AKAP13: variants seen among roughly 807,000 people sequenced by gnomAD.
The protein encoded by AKAP13 is A-kinase anchoring protein 13.
AKAP13 carries 80 observed loss-of-function variants against 264.5 expected under a neutral mutation model. The ratio of observed to expected loss-of-function variants is 0.30; its 90% confidence interval spans 0.25 to 0.36. The LOEUF is 0.36. Among genes scored for constraint, AKAP13 ranks in the 10% least tolerant of loss-of-function variants. The pLI is 1.00. For synonymous variants in AKAP13, 1,380 were observed against 1,250.2 expected, an observed-to-expected ratio of 1.10 and a Z score of -2.19; for missense variants, 3,712 against 3,435.2, an observed-to-expected ratio of 1.08 and a Z score of -2.01.
chr15:85,531,779 A>G (rs2077250003), intron 3 of AKAP13, among the ~76,000 whole-genome samples: 1 of 152,196 alleles, frequency 6.6e-6, no homozygotes, highest in Admixed American at 6.5e-5. Flanking sequence ...TATCGTGTGG[A>G]TTCAGTGTTC....
intron 8 of AKAP13, among the ~76,000 whole-genome samples, chr15:85,613,348 G>T (rs2080759768): frequency 6.6e-6 from 1 of 152,170 alleles, no homozygotes; most frequent in South Asian, 2.1e-4. Flanking sequence ...TCAGAATTCA[G>T]TTGGCTTTGT....
chr15:85,701,551 T>C (rs2085915125), intron 17 of AKAP13, among the ~76,000 whole-genome samples: 1 of 152,146 alleles, frequency 6.6e-6, no homozygotes, highest in Non-Finnish European at 1.5e-5. Context: ...GCGATTCTTC[T>C]GCCTCAGTCT....
chr15:85,712,964 AC>A (rs1410035287), intron 19 of AKAP13, among the ~76,000 whole-genome samples: 6 of 152,230 alleles, frequency 3.9e-5, no homozygotes, highest in Non-Finnish European at 7.3e-5. Flanking sequence ...GAGCTGTGTA[AC>A]TGGACATTAC....
intron 8 of AKAP13, among the ~76,000 whole-genome samples, chr15:85,612,693 C>T (rs915410888): frequency 6.6e-6 from 1 of 151,814 alleles, no homozygotes; most frequent in African/African-American, 2.4e-5. Flanking sequence ...AGTAGTGACA[C>T]GTGCCTATAA....
At chr15:85,421,281 A>G (rs1183607632) in intron 1 of AKAP13, among the ~76,000 whole-genome samples, 1 of 152,268 alleles carries the variant, frequency 6.6e-6, no homozygotes, top group Non-Finnish European at 1.5e-5. Context: ...AACTAAAAAT[A>G]GATGGAAGCT....
chr15:85,504,443 G>GA (rs1207875085), intron 2 of AKAP13, among the ~76,000 whole-genome samples: 7 of 143,584 alleles, frequency 4.9e-5, no homozygotes, highest in Non-Finnish European at 9.0e-5. Context: ...GAAGTGGGAG[G>GA]ATAGCTTAAG....
chr15:85,459,159 T>C (rs2074406524), intron 1 of AKAP13, among the ~76,000 whole-genome samples: 1 of 152,182 alleles, frequency 6.6e-6, no homozygotes, highest in African/African-American at 2.4e-5. Context: ...CACTAGAATT[T>C]AACTTGTATT....
intron 1 of AKAP13, among the ~76,000 whole-genome samples, chr15:85,430,725 G>A (rs2072989771): frequency 6.6e-6 from 1 of 152,118 alleles, no homozygotes. Context: ...ACTAGCATTT[G>A]AATACCTACC....
At chr15:85,451,548 TC>T (rs2074089986) in intron 1 of AKAP13, among the ~76,000 whole-genome samples, 1 of 152,234 alleles carries the variant, frequency 6.6e-6, no homozygotes, top group Non-Finnish European at 1.5e-5. Flanking sequence ...TTTCAAGATA[TC>T]TTTTAAGGGC....
chr15:85,600,094 A>G (rs536696976), intron 8 of AKAP13, among the ~76,000 whole-genome samples: 18 of 152,216 alleles, frequency 1.2e-4, no homozygotes, highest in African/African-American at 3.1e-4. Context: ...AGCAAAAAGG[A>G]CAGAGAAGGT....
chr15:85,620,692 C>G (rs2081145346), intron 8 of AKAP13, among the ~76,000 whole-genome samples: 1 of 152,168 alleles, frequency 6.6e-6, no homozygotes, highest in South Asian at 2.1e-4. Flanking sequence ...TCCAATAAAC[C>G]TATCTATTAA....
rs779911782 is a variant in AKAP13, at chr15:85,643,020, GA to G, written c.4238-2786del. ...GGTTACTACATACTCTAGGAAACGT[GA>G]AAAAAAAAAAACCTCCAGAATACCC... On this transcript the variant is annotated intron_variant, in intron 9 of 36. Coordinates refer to ENST00000394518, the MANE Select transcript of AKAP13 (RefSeq NM_007200.5). Among the ~76,000 whole-genome samples, 67 of 113,948 alleles carry G rather than the reference GA, an allele frequency of 5.9e-4. No individual in the cohort carries two copies. The East Asian group carries it at 8.3e-3, about 14-fold the overall frequency. The allele number at this position is 113,948 out of a possible 152,430, so 74.8% of individuals were successfully genotyped here.
chr15:85,428,468 G>A (rs2150919016), intron 1 of AKAP13, among the ~76,000 whole-genome samples: 1 of 152,334 alleles, frequency 6.6e-6, no homozygotes, highest in African/African-American at 2.4e-5. Context: ...CAAAGTGCTG[G>A]GATTACAGGC....
chr15:85,504,712 A>T (rs940308721), intron 2 of AKAP13, among the ~76,000 whole-genome samples: 2 of 143,544 alleles, frequency 1.4e-5, no homozygotes, highest in African/African-American at 4.9e-5. Flanking sequence ...AAAAAAAAAA[A>T]AAATCCTTAC....
At chr15:85,678,818 G>A (rs1009792505) in intron 14 of AKAP13, among the ~76,000 whole-genome samples, 1 of 151,826 alleles carries the variant, frequency 6.6e-6, no homozygotes, top group Non-Finnish European at 1.5e-5. Flanking sequence ...GCAGTGAGCC[G>A]AGATCATGCC....
At chr15:85,682,104 C>G in intron 14 of AKAP13, 54 bp from the exon 15 acceptor site, 1 of 1,498,588 alleles carries the variant, frequency 6.7e-7, no homozygotes, top group Non-Finnish European at 9.3e-7. Context: ...ATATTCTACC[C>G]GGCATCAGTG....
intron 26 of AKAP13, among the ~76,000 whole-genome samples, chr15:85,723,852 G>T (rs569816447): frequency 6.6e-6 from 1 of 152,094 alleles, no homozygotes; most frequent in African/African-American, 2.4e-5. Context: ...TATGATATTC[G>T]TATATCTTTA....
intron 1 of AKAP13, chr15:85,415,585 G>C: frequency 2.8e-6 from 4 of 1,430,974 alleles, no homozygotes; most frequent in South Asian, 2.3e-5. Flanking sequence ...GTGGTGGACT[G>C]TGTCATGAAC....
intron 10 of AKAP13, 24 bp from the exon 11 acceptor site, chr15:85,655,393 A>G (rs749065455): frequency 3.1e-6 from 5 of 1,603,248 alleles, no homozygotes; most frequent in Middle Eastern, 1.7e-4. Flanking sequence ...GGCTTCAACC[A>G]TATGTGCTTT....
Sources: gnomAD v4.1 joint callset for allele counts (sites outside exome capture counted in the v4.1 genomes callset) on GRCh38, gnomAD v4.1.1 for gene constraint, MANE v1.5 for transcripts, NCBI Gene and HGNC (gene_info 2026-07-23, HGNC 2026-07-21) for gene names.